RMDN3: variants seen among roughly 807,000 people sequenced by gnomAD.
The protein encoded by RMDN3 is regulator of microtubule dynamics protein 3.
A neutral mutation model predicts 61.8 loss-of-function variants in RMDN3; 41 were observed. The ratio of observed to expected loss-of-function variants is 0.66; its 90% CI spans 0.52 to 0.86. The LOEUF (loss-of-function observed/expected upper bound fraction) is 0.86. Among genes scored for constraint, RMDN3 ranks in the 40% least tolerant of loss-of-function variants. The pLI is 0.00. For missense variants in RMDN3, 557 were observed against 585.3 expected, an observed-to-expected ratio of 0.95 and a Z score of 0.50; for synonymous variants, 247 against 232.0, an observed-to-expected ratio of 1.06 and a Z score of -0.59.
At chr15:40,747,075 A>T (rs1408347333) in intron 4 of RMDN3, among the ~76,000 whole-genome samples, 2 of 152,164 alleles carry the variant, frequency 1.3e-5, no homozygotes, top group African/African-American at 4.8e-5. Flanking sequence ...AAATGGGTAG[A>T]TGGTTTATCT....
intron 6 of RMDN3, among the ~76,000 whole-genome samples, chr15:40,742,111 C>T (rs1452916471): frequency 1.3e-5 from 2 of 151,722 alleles, no homozygotes; most frequent in Non-Finnish European, 2.9e-5. Flanking sequence ...CCTCTGCCTC[C>T]TGGGCTGAAA....
intron 6 of RMDN3, among the ~76,000 whole-genome samples, chr15:40,742,036 T>A (rs1489921094): frequency 4.6e-5 from 7 of 152,050 alleles, no homozygotes; most frequent in Non-Finnish European, 1.0e-4. Context: ...CTTTTTTTAT[T>A]TGAGACAGGG....
At position 40,744,745 on chromosome 15, in the gene RMDN3, G is replaced by T. The variant is rs1261330789; in HGVS notation, c.807+232C>A. On this transcript the variant is annotated intron_variant, in intron 5 of 12. Coordinates refer to ENST00000338376, the MANE Select transcript of RMDN3 (RefSeq NM_018145.3). ...GAGAACTACACTCCCCCTCCCAAGA[G>T]GGGAGGCAGCTCTGGGGCAAGCAGT... 2.0e-5 allele frequency among the ~76,000 whole-genome samples: 3 copies of T among 152,140 alleles called. No individual in the cohort carries two copies. In the East Asian group the frequency reaches 5.8e-4, roughly 29 times the overall value.
intron 4 of RMDN3, among the ~76,000 whole-genome samples, chr15:40,748,491 C>T (rs1897672514): frequency 6.6e-6 from 1 of 152,272 alleles, no homozygotes; most frequent in Non-Finnish European, 1.5e-5. Flanking sequence ...GTCTGGCAGC[C>T]CTGGCCTGCT....
At chr15:40,754,837 C>A in intron 1 of RMDN3, 47 bp from the exon 2 acceptor site, 1 of 488,260 alleles carries the variant, frequency 2.0e-6, no homozygotes, top group Non-Finnish European at 3.1e-6. Context: ...GGCGGGCGGG[C>A]GGGGGTAAGG....
chr15:40,749,050 C>A (rs1391922211), intron 4 of RMDN3, among the ~76,000 whole-genome samples: 1 of 151,962 alleles, frequency 6.6e-6, no homozygotes, highest in Non-Finnish European at 1.5e-5. Flanking sequence ...ATTACCGGTG[C>A]CTGCCAACAT....
Position 40,745,142 on chromosome 15 carries a change from G to A in RMDN3, c.642C>T (p.Asp214=), listed in dbSNP as rs1567065480. 2 of 1,614,154 alleles carry A rather than the reference G, an allele frequency of 1.2e-6. No homozygotes were observed. Among genetic ancestry groups the A allele is most frequent in the East Asian group, 4.5e-5 (2 of 44,874 alleles). The change falls in exon 5 of 13, where the codon GAC becomes GAT. Residue 214 remains aspartate (D), a synonymous_variant. Transcript: ENST00000338376. The part of the protein sequence containing the change: ...TVKMGRKDSL[D]LEEEAASGAS... ...CACCTGAAGCTGCCTCTTCCTCCAA[G>A]TCAAGAGAATCCTTTCTCCCCATCT...
chr15:40,739,675 A>G (rs1897203142), intron 7 of RMDN3: 1 of 159,948 alleles, frequency 6.3e-6, no homozygotes, highest in Non-Finnish European at 1.4e-5. Flanking sequence ...TTTGCAGCCT[A>G]ATAAATTGAC....
chr15:40,737,546 TC>T lies in RMDN3; in HGVS notation c.1224+81del, dbSNP rs1897105463. 15 of 1,327,600 alleles carry T rather than the reference TC, an allele frequency of 1.1e-5. No homozygotes were observed. In the Admixed American group the frequency reaches 2.6e-4, roughly 23 times the overall value. 82.2% of individuals were successfully genotyped at this position (1,327,600 alleles called of 1,614,324 possible). On this transcript the variant is annotated intron_variant, in intron 10 of 12. Transcript: ENST00000338376. The stretch of plus-strand genomic sequence containing the variant: ...AATTGCCCCCGACTAGGAAAACCCC[TC>T]CCATTAAGGGTCTCAATAATGTCCT...
At chr15:40,740,274 T>C (rs569102468) in intron 6 of RMDN3, 81 bp from the exon 7 acceptor site, 1 of 932,532 alleles carries the variant, frequency 1.1e-6, no homozygotes, top group Admixed American at 1.9e-5. Context: ...GAATGACTGC[T>C]TTAGCTCTCA....
intron 4 of RMDN3, among the ~76,000 whole-genome samples, chr15:40,746,720 C>T (rs1477515861): frequency 6.6e-6 from 1 of 152,146 alleles, no homozygotes; most frequent in Admixed American, 6.5e-5. Context: ...GGTACCCAGT[C>T]CGTGCTGACT....
intron 6 of RMDN3, 128 bp from the exon 7 acceptor site, chr15:40,740,321 T>C (rs1450092064): frequency 1.4e-5 from 10 of 714,350 alleles, no homozygotes; most frequent in Admixed American, 6.1e-5. Flanking sequence ...TTGGAAATAG[T>C]TGTGAACTTG....
At chr15:40,738,090 T>TAAAAG in intron 8 of RMDN3, 48 bp from the exon 9 acceptor site, 1 of 1,595,236 alleles carries the variant, frequency 6.3e-7, no homozygotes, top group Middle Eastern at 1.7e-4. Context: ...CCAGAGTTGC[T>TAAAAG]AAAAGAGAGG....
intron 4 of RMDN3, among the ~76,000 whole-genome samples, chr15:40,748,548 C>G (rs1179868675): frequency 6.6e-6 from 1 of 152,236 alleles, no homozygotes; most frequent in Non-Finnish European, 1.5e-5. Context: ...CAGTGAAGGA[C>G]CCCCAGGTGT....
intron 6 of RMDN3, among the ~76,000 whole-genome samples, chr15:40,740,501 C>T (rs1897238858): frequency 6.6e-6 from 1 of 152,118 alleles, no homozygotes; most frequent in South Asian, 2.1e-4. Context: ...CAAAAATTAG[C>T]TGGGCGTGGT....
intron 9 of RMDN3, 52 bp from the exon 10 acceptor site, chr15:40,737,778 C>A: frequency 6.4e-7 from 1 of 1,567,220 alleles, no homozygotes. Flanking sequence ...GGTTTTTTTT[C>A]TTTAAATCTT....
Position 40,745,088 on chromosome 15 carries a change from G to A in RMDN3, c.696C>T (p.Ser232=), listed in dbSNP as rs1897464726. 6.2e-7 allele frequency: 1 copy of A among 1,614,116 alleles called. No homozygotes were observed. The highest frequency in any genetic ancestry group is 1.1e-5 in the South Asian group (1 of 91,082). Residue 232 remains serine (S), a synonymous_variant, in exon 5 of 13, where the codon TCC becomes TCT. Coordinates refer to ENST00000338376, the MANE Select transcript of RMDN3 (RefSeq NM_018145.3). The stretch of plus-strand genomic sequence containing the variant: ...GGGGCAGCACATCCTCCAAGCCTGA[G>A]GAACCTCCAGCCTCCAGGGCACTGG... ...GASSALEAGG[S]SGLEDVLPLL...
At chr15:40,746,485 C>A (rs1026179440) in intron 4 of RMDN3, among the ~76,000 whole-genome samples, 1 of 150,560 alleles carries the variant, frequency 6.6e-6, no homozygotes, top group Non-Finnish European at 1.5e-5. Context: ...CCACTGCACT[C>A]CACCCTGGGC....
chr15:40,744,008 C>A, intron 6 of RMDN3, 39 bp downstream of exon 6: 1 of 1,552,678 alleles, frequency 6.4e-7, no homozygotes, highest in South Asian at 1.2e-5. Context: ...ACCCCTGAAT[C>A]AGTCAGTCAC....
Sources: allele counts gnomAD v4.1 joint callset (sites outside exome capture counted in the v4.1 genomes callset), GRCh38; gene constraint gnomAD v4.1.1; transcripts MANE v1.5; gene names NCBI Gene and HGNC (gene_info 2026-07-23, HGNC 2026-07-21).